LHFPL1: variants seen among roughly 807,000 people sequenced by gnomAD.
LHFPL1 encodes LHFPL tetraspan subfamily member 1.
LHFPL1 carries 4 observed loss-of-function variants against 12.1 expected under a neutral mutation model. That is an observed-to-expected ratio of 0.33 (90% CI 0.16 to 0.76). LHFPL1 has a LOEUF of 0.76. LHFPL1 is among the 30% of genes least tolerant of loss of function. LHFPL1 has a pLI of 0.61. For missense variants in LHFPL1, 141 were observed against 174.1 expected, an observed-to-expected ratio of 0.81 and a Z score of 1.07; for synonymous variants, 52 against 61.9, an observed-to-expected ratio of 0.84 and a Z score of 0.75.
At position 112,631,142 on chromosome X, in the gene LHFPL1, T is replaced by G; in HGVS notation, c.*278A>C. ...CAACTATTCTTACCCAGCCTTAGCT[T>G]TGGATCCTATTTTGCATAAAGGGGT... On this transcript the variant is annotated 3_prime_UTR_variant, in exon 4 of 4. Coordinates refer to ENST00000371968, the MANE Select transcript of LHFPL1 (RefSeq NM_178175.4). The G allele has an allele frequency of 4.2e-6, 1 of 236,076 alleles. No homozygotes were observed. Among genetic ancestry groups the G allele is most frequent in the Non-Finnish European group, 7.7e-6 (1 of 129,811 alleles). 19.5% of individuals were successfully genotyped at this position (236,076 alleles called of 1,213,427 possible).
Position 112,655,023 on chromosome X carries a change from T to G in LHFPL1, c.481+5604A>C, listed in dbSNP as rs769224361. ...GGAATGGCTGTACTAGCTGAACTTT[T>G]CTGTCTTTAAGTAACTCTTGGAAAT... On this transcript the variant is annotated intron_variant, in intron 3 of 3. Coordinates refer to ENST00000371968, the MANE Select transcript of LHFPL1 (RefSeq NM_178175.4). 2.3e-3 allele frequency among the ~76,000 whole-genome samples: 252 copies of G among 111,989 alleles called. 1 individual carries two copies. Among genetic ancestry groups the G allele is most frequent in the African/African-American group, 8.1e-3 (249 of 30,836 alleles).
intron 3 of LHFPL1, among the ~76,000 whole-genome samples, chrX:112,651,987 C>T (rs1303104024): frequency 8.9e-6 from 1 of 112,906 alleles, no homozygotes; most frequent in Non-Finnish European, 1.9e-5. Flanking sequence ...CAAAACTGGC[C>T]TTAGAGTAGT....
At chrX:112,679,099 T>G (rs1482025642) in intron 1 of LHFPL1, among the ~76,000 whole-genome samples, 5 of 111,078 alleles carry the variant, frequency 4.5e-5, no homozygotes, top group Non-Finnish European at 7.6e-5. Context: ...CACCTAAGAT[T>G]TAGAACATCT....
At chrX:112,663,109 T>C (rs1420467437) in intron 2 of LHFPL1, among the ~76,000 whole-genome samples, 1 of 111,177 alleles carries the variant, frequency 9.0e-6, no homozygotes, top group Non-Finnish European at 1.9e-5. Flanking sequence ...CCTCAGATCT[T>C]ACCATACTGA....
At chrX:112,644,873 A>T (rs1303900825) in intron 3 of LHFPL1, among the ~76,000 whole-genome samples, 1 of 112,543 alleles carries the variant, frequency 8.9e-6, no homozygotes, top group East Asian at 2.8e-4. Flanking sequence ...AGAAAAGGTA[A>T]CAGGAAATGC....
chrX:112,637,742 G>A (rs753031756), intron 3 of LHFPL1, among the ~76,000 whole-genome samples: 2 of 112,232 alleles, frequency 1.8e-5, no homozygotes, highest in East Asian at 5.6e-4. Flanking sequence ...GAAGAGTCAG[G>A]GAAGCAGGGA....
In LHFPL1 at chrX:112,660,542, T is replaced by A. The variant is rs757167546; in HGVS notation, c.481+85A>T. 28 of 725,340 alleles carry A rather than the reference T, an allele frequency of 3.9e-5. No homozygotes were observed. In the South Asian group the frequency reaches 6.1e-4, roughly 16 times the overall value. The allele number at this position is 725,340 out of a possible 1,213,427, so 59.8% of individuals were successfully genotyped here. ...TGAGAGAGATTCAGGCAAGTACCAC[T>A]AGCAGAGTGCCCTCCAAGTGGTAAA... On this transcript the variant is annotated intron_variant, in intron 3 of 3. Transcript: ENST00000371968.
At chrX:112,644,696 A>G (rs1209154567) in intron 3 of LHFPL1, among the ~76,000 whole-genome samples, 1 of 111,605 alleles carries the variant, frequency 9.0e-6, no homozygotes, top group Non-Finnish European at 1.9e-5. Context: ...TGAGGTGCCC[A>G]GGCAAGCTTA....
intron 1 of LHFPL1, among the ~76,000 whole-genome samples, chrX:112,677,988 G>T (rs997024015): frequency 2.7e-5 from 3 of 110,178 alleles, no homozygotes; most frequent in African/African-American, 9.9e-5. Context: ...GTGTTTATTT[G>T]CATCTCTCCA....
chrX:112,638,807 C>T (rs1449015187), intron 3 of LHFPL1, among the ~76,000 whole-genome samples: 1 of 112,020 alleles, frequency 8.9e-6, no homozygotes, highest in Non-Finnish European at 1.9e-5. Flanking sequence ...ATCATTGTGG[C>T]ACCATCTAAA....
chrX:112,635,785 C>T (rs1930321525), intron 3 of LHFPL1, among the ~76,000 whole-genome samples: 1 of 111,412 alleles, frequency 9.0e-6, no homozygotes, highest in African/African-American at 3.3e-5. Context: ...GAGTGGTTGG[C>T]GTGAGCAAAG....
intron 2 of LHFPL1, among the ~76,000 whole-genome samples, chrX:112,666,938 G>A (rs1931353835): frequency 8.9e-6 from 1 of 111,859 alleles, no homozygotes; most frequent in African/African-American, 3.3e-5. Flanking sequence ...AGGAGCACTG[G>A]ACCATATTCC....
At chrX:112,676,054 C>T (rs746585322) in intron 1 of LHFPL1, among the ~76,000 whole-genome samples, 1 of 111,846 alleles carries the variant, frequency 8.9e-6, no homozygotes, top group African/African-American at 3.2e-5. Context: ...CTGCAGGGCA[C>T]ATGGAGTCTG....
intron 3 of LHFPL1, among the ~76,000 whole-genome samples, chrX:112,647,019 T>A (rs1321058742): frequency 8.9e-6 from 1 of 111,933 alleles, no homozygotes; most frequent in Non-Finnish European, 1.9e-5. Context: ...TTCCTCATCA[T>A]AAAAATGGCA....
At chrX:112,660,998 T>C (rs772454185) in intron 2 of LHFPL1, among the ~76,000 whole-genome samples, 1 of 112,356 alleles carries the variant, frequency 8.9e-6, no homozygotes, top group South Asian at 3.7e-4. Context: ...ACAGCCAAAA[T>C]ACTTTTGTCA....
At chrX:112,647,982 TAC>T (rs1427153960) in intron 3 of LHFPL1, among the ~76,000 whole-genome samples, 1 of 111,625 alleles carries the variant, frequency 9.0e-6, no homozygotes, top group Non-Finnish European at 1.9e-5. Context: ...CACCATGGAA[TAC>T]TATGCATCCA....
At chrX:112,675,482 C>T (rs1013201282) in intron 1 of LHFPL1, among the ~76,000 whole-genome samples, 2 of 111,538 alleles carry the variant, frequency 1.8e-5, no homozygotes, top group South Asian at 3.8e-4. Context: ...AGTTTAAAAG[C>T]GACGTTTTGA....
chrX:112,635,477 T>C (rs1453655172), intron 3 of LHFPL1, among the ~76,000 whole-genome samples: 1 of 112,478 alleles, frequency 8.9e-6, no homozygotes, highest in Non-Finnish European at 1.9e-5. Flanking sequence ...ACAGTCCAAG[T>C]CTTGCGAGAA....
chrX:112,670,789 T>G (rs913782352), intron 2 of LHFPL1, among the ~76,000 whole-genome samples: 1 of 112,318 alleles, frequency 8.9e-6, no homozygotes, highest in Non-Finnish European at 1.9e-5. Flanking sequence ...ACAACAGATA[T>G]CAATTCTGCC....
Sources: gnomAD v4.1 joint callset for allele counts (sites outside exome capture counted in the v4.1 genomes callset) on GRCh38, gnomAD v4.1.1 for gene constraint, MANE v1.5 for transcripts, NCBI Gene and HGNC (gene_info 2026-07-23, HGNC 2026-07-21) for gene names.